Variants in MYO1D observed in about 807,000 individuals in gnomAD.
The protein encoded by MYO1D is unconventional myosin-Id.
Under a neutral mutation model 122.0 loss-of-function variants are expected in MYO1D, and 83 were observed. The ratio of observed to expected loss-of-function variants is 0.68; its 90% CI spans 0.57 to 0.82. The LOEUF (loss-of-function observed/expected upper bound fraction) is 0.82, where lower values mean the gene tolerates loss of function less well. MYO1D is among the 40% of genes least tolerant of loss of function. The pLI is 0.00. For missense variants in MYO1D, 1,157 were observed against 1,269.5 expected (o/e 0.91, Z 1.35); for synonymous variants, 464 against 446.9 (o/e 1.04, Z -0.48).
At chr17:32,547,857 G>A (rs1334671418) in intron 21 of MYO1D, among the ~76,000 whole-genome samples, 1 of 152,050 alleles carries the variant, frequency 6.6e-6, no homozygotes, top group African/African-American at 2.4e-5. Context: ...AGCTGAGGTG[G>A]GAGAATCACT....
At chr17:32,736,612 TAGA>T (rs2089704253) in intron 14 of MYO1D, among the ~76,000 whole-genome samples, 1 of 152,246 alleles carries the variant, frequency 6.6e-6, no homozygotes, top group African/African-American at 2.4e-5. Context: ...TCTGTTTCAT[TAGA>T]AGGTGAATGC....
At chr17:32,575,335 A>G (rs1445065158) in intron 21 of MYO1D, among the ~76,000 whole-genome samples, 1 of 152,256 alleles carries the variant, frequency 6.6e-6, no homozygotes, top group East Asian at 1.9e-4. Context: ...ATTAGGCAGC[A>G]GCCTCAGGCT....
intron 15 of MYO1D, among the ~76,000 whole-genome samples, chr17:32,719,504 C>T (rs956236973): frequency 6.6e-5 from 10 of 151,984 alleles, no homozygotes; most frequent in Non-Finnish European, 1.3e-4. Context: ...GCGCCCGCCA[C>T]CACGCCCGGC....
chr17:32,749,669 G>GTGAGC (rs2151009740), intron 11 of MYO1D, among the ~76,000 whole-genome samples: 1 of 152,332 alleles, frequency 6.6e-6, no homozygotes, highest in African/African-American at 2.4e-5. Context: ...AGAGACTGCA[G>GTGAGC]TGAGCCAAGA....
chr17:32,802,370 A>T (rs1765152941), intron 1 of MYO1D, among the ~76,000 whole-genome samples: 1 of 152,230 alleles, frequency 6.6e-6, no homozygotes, highest in Non-Finnish European at 1.5e-5. Flanking sequence ...CTAATGCATT[A>T]AAAACATTTT....
intron 21 of MYO1D, chr17:32,504,721 A>C (rs1278445997): frequency 1.3e-5 from 2 of 152,224 alleles, no homozygotes; most frequent in Admixed American, 1.3e-4. Flanking sequence ...CTCTCTTAGC[A>C]TGAGGTCCAT....
intron 1 of MYO1D, among the ~76,000 whole-genome samples, chr17:32,872,795 C>G (rs1227634496): frequency 6.6e-6 from 1 of 151,032 alleles, no homozygotes; most frequent in African/African-American, 2.4e-5. Context: ...TTCCCGGGTT[C>G]ACGCCATTCT....
At chr17:32,844,395 TATA>T (rs1322456990) in intron 1 of MYO1D, among the ~76,000 whole-genome samples, 2 of 147,062 alleles carry the variant, frequency 1.4e-5, no homozygotes, top group Non-Finnish European at 3.0e-5. Flanking sequence ...ATATACTATA[TATA>T]ATATGTATAT....
chr17:32,683,307 T>C lies in MYO1D; in HGVS notation c.2122-23969A>G, dbSNP rs1326686555. Among the ~76,000 whole-genome samples the C allele has an allele frequency of 2.0e-5, 3 of 152,230 alleles. No individual in the cohort carries two copies. The East Asian group carries it at 5.8e-4, about 29-fold the overall frequency. On this transcript the variant is annotated intron_variant, in intron 16 of 21. Coordinates refer to ENST00000318217, the MANE Select transcript of MYO1D (RefSeq NM_015194.3). ...TTGCTGGTGAGGAACTGTGTTCCTT[T>C]GGAGGAGGAGAGACGCTCTGTGTTT...
intron 7 of MYO1D, among the ~76,000 whole-genome samples, chr17:32,766,313 G>A (rs374266342): frequency 5.3e-5 from 8 of 152,260 alleles, no homozygotes; most frequent in African/African-American, 1.9e-4. Context: ...CCAATCAGTT[G>A]ATTAATCTGT....
At chr17:32,571,885 T>C (rs1240180446) in intron 21 of MYO1D, among the ~76,000 whole-genome samples, 1 of 152,200 alleles carries the variant, frequency 6.6e-6, no homozygotes, top group African/African-American at 2.4e-5. Context: ...TCTTTTGTGC[T>C]TGCTTTAAAT....
chr17:32,853,454 C>T (rs2091005430), intron 1 of MYO1D, among the ~76,000 whole-genome samples: 1 of 152,200 alleles, frequency 6.6e-6, no homozygotes, highest in African/African-American at 2.4e-5. Context: ...CCTGCTCACA[C>T]TTTAGTTCAA....
chr17:32,532,032 T>G (rs971625032), intron 21 of MYO1D, among the ~76,000 whole-genome samples: 2 of 152,224 alleles, frequency 1.3e-5, no homozygotes, highest in African/African-American at 4.8e-5. Context: ...TGTTGGGAAG[T>G]GGCAGCTAAT....
At chr17:32,749,107 G>A (rs2089871580) in intron 11 of MYO1D, 101 bp from the exon 12 acceptor site, 24 of 1,056,774 alleles carry the variant, frequency 2.3e-5, no homozygotes, top group Non-Finnish European at 3.5e-5. Context: ...CACAAATTAT[G>A]ACATCACATT....
intron 1 of MYO1D, among the ~76,000 whole-genome samples, chr17:32,796,308 A>G (rs1481910807): frequency 3.3e-5 from 5 of 152,246 alleles, no homozygotes; most frequent in Non-Finnish European, 7.3e-5. Context: ...AATGAAGGAT[A>G]CCTGGACCTG....
chr17:32,740,168 C>G (rs954042344), intron 13 of MYO1D, among the ~76,000 whole-genome samples: 1 of 152,170 alleles, frequency 6.6e-6, no homozygotes, highest in Non-Finnish European at 1.5e-5. Flanking sequence ...GAATGCCATT[C>G]TAACATTTAC....
intron 2 of MYO1D, 53 bp from the exon 3 acceptor site, chr17:32,778,626 G>A (rs1000546106): frequency 1.4e-6 from 2 of 1,440,582 alleles, no homozygotes; most frequent in Non-Finnish European, 1.9e-6. Context: ...CCAAGAGTAA[G>A]CTAATTTTTA....
intron 21 of MYO1D, among the ~76,000 whole-genome samples, chr17:32,578,797 G>A (rs376907426): frequency 2.0e-5 from 3 of 152,142 alleles, no homozygotes; most frequent in Non-Finnish European, 2.9e-5. Context: ...GTCTCCTCCT[G>A]CCTTTTGACC....
At position 32,751,285 on chromosome 17, in the gene MYO1D, G is replaced by A. The variant is rs1003662596; in HGVS notation, c.1468-2279C>T. 4.6e-5 allele frequency among the ~76,000 whole-genome samples: 7 copies of A among 152,166 alleles called. No homozygotes were observed. In the South Asian group the frequency reaches 6.2e-4, roughly 14 times the overall value. Reference sequence around the variant, plus strand: ...AATAAGTCTAGCTAATCAGTAACCCGTAGCAAATGATGATATCCAGCTCAA... The same window carrying A: ...AATAAGTCTAGCTAATCAGTAACCCATAGCAAATGATGATATCCAGCTCAA... On this transcript the variant is annotated intron_variant, in intron 11 of 21. Coordinates refer to ENST00000318217, the MANE Select transcript of MYO1D (RefSeq NM_015194.3).
Sources: gnomAD v4.1 joint callset for allele counts (sites outside exome capture counted in the v4.1 genomes callset) on GRCh38, gnomAD v4.1.1 for gene constraint, MANE v1.5 for transcripts, NCBI Gene and HGNC (gene_info 2026-07-23, HGNC 2026-07-21) for gene names.